Variants in NTRK3 observed in about 807,000 individuals in gnomAD.
NTRK3 encodes NT-3 growth factor receptor.
Under a neutral mutation model 91.7 loss-of-function variants are expected in NTRK3, and 24 were observed. The observed-to-expected ratio is 0.26, with a 90% CI of 0.19 to 0.37. NTRK3 has a LOEUF of 0.37. NTRK3 is among the 10% of genes least tolerant of loss of function. The pLI is 1.00. For missense variants in NTRK3, 880 were observed against 1,068.9 expected, an observed-to-expected ratio of 0.82 and a Z score of 2.46; for synonymous variants, 483 against 404.0, an observed-to-expected ratio of 1.20 and a Z score of -2.34.
At chr15:87,979,219 T>G (rs1383771855) in intron 14 of NTRK3, 28 of 793,434 alleles carry the variant, frequency 3.5e-5, no homozygotes, top group Non-Finnish European at 6.3e-5. Flanking sequence ...GCCGGGGCAC[T>G]GGTGGCTCAT....
At chr15:87,904,234 T>C (rs1295934898) in intron 17 of NTRK3, among the ~76,000 whole-genome samples, 4 of 150,184 alleles carry the variant, frequency 2.7e-5, no homozygotes, top group African/African-American at 9.8e-5. Flanking sequence ...CGCTGCAACC[T>C]CAGTTTCCGG....
intron 17 of NTRK3, among the ~76,000 whole-genome samples, chr15:87,907,282 C>A (rs892102698): frequency 6.6e-6 from 1 of 152,090 alleles, no homozygotes; most frequent in African/African-American, 2.4e-5. Context: ...TTGCAAAATT[C>A]TCATAAGGCT....
intron 14 of NTRK3, among the ~76,000 whole-genome samples, chr15:87,952,572 T>C (rs907328761): frequency 6.6e-6 from 1 of 152,198 alleles, no homozygotes; most frequent in African/African-American, 2.4e-5. Flanking sequence ...ACAGGCTTCC[T>C]CTGGAGCCCT....
At chr15:88,031,511 G>A (rs925922104) in intron 14 of NTRK3, among the ~76,000 whole-genome samples, 2 of 152,110 alleles carry the variant, frequency 1.3e-5, no homozygotes, top group East Asian at 1.9e-4. Flanking sequence ...GCTTCCCATG[G>A]TTTATCTGAA....
chr15:87,912,931 A>AATATATATATATATATATATATAT (rs58367924), intron 17 of NTRK3, among the ~76,000 whole-genome samples: 4 of 36,474 alleles, frequency 1.1e-4, no homozygotes, highest in South Asian at 1.2e-3. Context: ...AGTAAAAAAA[A>AATATATATATATATATATATATAT]ATATATATAT....
At chr15:88,048,177 C>G (rs976221937) in intron 13 of NTRK3, among the ~76,000 whole-genome samples, 3 of 152,190 alleles carry the variant, frequency 2.0e-5, no homozygotes, top group African/African-American at 7.2e-5. Context: ...GGGTATAGGT[C>G]AATCAATCTT....
exon 19 of NTRK3, chr15:87,865,016 A>C (rs967899603): frequency 8.0e-5 from 17 of 213,448 alleles, no homozygotes; most frequent in Non-Finnish European, 1.3e-4. Context: ...CACAAGAAAA[A>C]CAAAAATTGA....
At chr15:87,964,462 A>C (rs1024038516) in intron 14 of NTRK3, among the ~76,000 whole-genome samples, 3 of 151,720 alleles carry the variant, frequency 2.0e-5, no homozygotes, top group Admixed American at 1.3e-4. Context: ...TTATTATATA[A>C]CTTATTTTGT....
chr15:87,895,790 C>CATTTT (rs1032280791), intron 17 of NTRK3, among the ~76,000 whole-genome samples: 1 of 146,838 alleles, frequency 6.8e-6, no homozygotes, highest in African/African-American at 2.5e-5. Flanking sequence ...TTTTTTTTTT[C>CATTTT]ATTTTATTTT....
intron 13 of NTRK3, among the ~76,000 whole-genome samples, chr15:88,097,371 A>T (rs954074912): frequency 1.3e-5 from 2 of 152,182 alleles, no homozygotes; most frequent in African/African-American, 4.8e-5. Context: ...TGTCTACCTG[A>T]GTAACTCCTA....
chr15:88,180,603 G>A (rs1308497776), intron 5 of NTRK3, among the ~76,000 whole-genome samples: 6 of 148,190 alleles, frequency 4.0e-5, no homozygotes, highest in Admixed American at 1.4e-4. Context: ...TCTGACATCA[G>A]TACTAGGGGC....
chr15:88,250,271 C>G (rs781091594), intron 3 of NTRK3, among the ~76,000 whole-genome samples: 105 of 152,324 alleles, frequency 6.9e-4, no homozygotes, highest in Non-Finnish European at 1.1e-3. Flanking sequence ...AGCCTCTGGA[C>G]TTTTCCATTT....
chr15:88,124,286 G>A (rs945659422), intron 13 of NTRK3, among the ~76,000 whole-genome samples: 1 of 152,142 alleles, frequency 6.6e-6, no homozygotes, highest in African/African-American at 2.4e-5. Flanking sequence ...ACCCAACCAG[G>A]GCCAAGAAAG....
exon 19 of NTRK3, chr15:87,871,073 A>G (rs1241552700): frequency 4.4e-6 from 1 of 229,834 alleles, no homozygotes; most frequent in Non-Finnish European, 8.6e-6. Context: ...GAAGTAAACT[A>G]GAAAGAAGAG....
At chr15:88,137,773 C>A (rs1387212178) in intron 6 of NTRK3, among the ~76,000 whole-genome samples, 2 of 152,224 alleles carry the variant, frequency 1.3e-5, no homozygotes, top group Non-Finnish European at 2.9e-5. Context: ...AGAAATCCAG[C>A]CAGGTGCGGT....
rs562890213 is a variant in NTRK3 at position 88,172,140 on chromosome 15, C to G, written c.395+11278G>C. Among the ~76,000 whole-genome samples the G allele has an allele frequency of 3.9e-5, 6 of 152,334 alleles. No homozygotes were observed. In the East Asian group the frequency reaches 1.2e-3, roughly 29 times the overall value. On this transcript the variant is annotated intron_variant, in intron 5 of 18. Transcript: ENST00000394480. ...AATACCACCCAGAAAGGGCAGAGGC[C>G]TCTTGGACCCAAGGCAAGCCCCAAC... is the stretch of plus-strand genomic sequence containing the variant.
intron 13 of NTRK3, among the ~76,000 whole-genome samples, chr15:88,102,507 C>T (rs924271588): frequency 6.6e-6 from 1 of 152,124 alleles, no homozygotes; most frequent in African/African-American, 2.4e-5. Flanking sequence ...AAGAGTGGAA[C>T]TGGAATGTTC....
At chr15:88,107,507 A>C (rs894244660) in intron 13 of NTRK3, among the ~76,000 whole-genome samples, 1 of 152,150 alleles carries the variant, frequency 6.6e-6, no homozygotes, top group Non-Finnish European at 1.5e-5. Flanking sequence ...GCACAGTTTC[A>C]AGAGCTTCTG....
intron 13 of NTRK3, among the ~76,000 whole-genome samples, chr15:88,121,942 G>T (rs1012281558): frequency 6.6e-6 from 1 of 152,192 alleles, no homozygotes; most frequent in Admixed American, 6.5e-5. Context: ...CCAAAATTTT[G>T]ATCAACATGG....
Sources: gnomAD v4.1 joint callset for allele counts (sites outside exome capture counted in the v4.1 genomes callset) on GRCh38, gnomAD v4.1.1 for gene constraint, MANE v1.5 for transcripts, NCBI Gene and HGNC (gene_info 2026-07-23, HGNC 2026-07-21) for gene names.